Variants in MTAP observed in about 807,000 individuals in gnomAD.
The protein encoded by MTAP is S-methyl-5'-thioadenosine phosphorylase.
MTAP carries 33 observed loss-of-function variants against 33.6 expected under a neutral mutation model. That is an observed-to-expected ratio of 0.98 (90% CI 0.74 to 1.31). The LOEUF (loss-of-function observed/expected upper bound fraction) is 1.31, where lower values mean the gene tolerates loss of function less well. Ranked by LOEUF, MTAP falls within the 40% of genes most tolerant of loss-of-function variation. MTAP has a pLI of 0.00. For missense variants in MTAP, 367 were observed against 360.0 expected, an observed-to-expected ratio of 1.02 and a Z score of -0.16; for synonymous variants, 148 against 125.7, an observed-to-expected ratio of 1.18 and a Z score of -1.19.
At chr9:21,854,896 A>T in intron 6 of MTAP, 26 bp downstream of exon 6, 3 of 1,612,412 alleles carry the variant, frequency 1.9e-6, no homozygotes, top group African/African-American at 1.3e-5. Context: ...TTCTAAGCAC[A>T]TATAGCATGG....
At chr9:21,919,243 C>T (rs1442167271) in intron 1 of MTAP, among the ~76,000 whole-genome samples, 1 of 152,054 alleles carries the variant, frequency 6.6e-6, no homozygotes, top group Non-Finnish European at 1.5e-5. Flanking sequence ...TATGAATTAA[C>T]AAAAAATGAA....
intron 7 of MTAP, chr9:21,860,038 C>T (rs1825722156): frequency 6.6e-6 from 1 of 152,152 alleles, no homozygotes; most frequent in Non-Finnish European, 1.5e-5. Flanking sequence ...ATTGCATTCT[C>T]CTACTATCCA....
At chr9:21,896,797 A>G (rs1021294718) in intron 1 of MTAP, among the ~76,000 whole-genome samples, 2 of 152,218 alleles carry the variant, frequency 1.3e-5, no homozygotes, top group Admixed American at 6.5e-5. Context: ...GAATTCTACC[A>G]GAAGTACAAA....
intron 4 of MTAP, among the ~76,000 whole-genome samples, chr9:21,834,441 C>G (rs1825051731): frequency 6.6e-6 from 1 of 152,162 alleles, no homozygotes; most frequent in Non-Finnish European, 1.5e-5. Context: ...AGAAGCAGAC[C>G]TTATCTTTTA....
In MTAP at chr9:21,802,669, G is replaced by T. The variant is rs1340953046; in HGVS notation, c.-80G>T. ...TGCTCACTCCCGCGCAGTGAGGTTG[G>T]CACAGCCACCGCTCTGTGGCTCGCT... On this transcript the variant is annotated 5_prime_UTR_variant, in exon 1 of 8. Coordinates refer to ENST00000644715, the MANE Select transcript of MTAP (RefSeq NM_002451.4). The T allele has an allele frequency of 6.4e-7, 1 of 1,550,500 alleles. No homozygotes were observed. Among genetic ancestry groups the T allele is most frequent in the Non-Finnish European group, 8.9e-7 (1 of 1,129,692 alleles).
At chr9:21,930,288 G>T (rs1339342165) in intron 1 of MTAP, 1 of 231,360 alleles carries the variant, frequency 4.3e-6, no homozygotes, top group Non-Finnish European at 8.6e-6. Flanking sequence ...ATTTTTGGGG[G>T]CTGTCCTCAT....
chr9:21,900,551 T>G (rs755042541), intron 1 of MTAP, among the ~76,000 whole-genome samples: 1 of 152,190 alleles, frequency 6.6e-6, no homozygotes, highest in East Asian at 1.9e-4. Flanking sequence ...AATGGGACAC[T>G]AATACACTGC....
chr9:21,928,905 A>G (rs187431242), intron 1 of MTAP, among the ~76,000 whole-genome samples: 2 of 151,782 alleles, frequency 1.3e-5, no homozygotes, highest in South Asian at 2.1e-4. Flanking sequence ...GAAACTGCCA[A>G]AATCACCCAG....
chr9:21,816,323 A>G (rs1322878080), intron 2 of MTAP, among the ~76,000 whole-genome samples: 1 of 152,186 alleles, frequency 6.6e-6, no homozygotes, highest in Non-Finnish European at 1.5e-5. Context: ...AGACATTTCC[A>G]GTGCTGAATT....
chr9:21,868,071 A>G (rs1266685218), downstream of MTAP, among the ~76,000 whole-genome samples: 1 of 152,196 alleles, frequency 6.6e-6, no homozygotes, highest in Non-Finnish European at 1.5e-5. Context: ...ATTTCCAGAA[A>G]GGTTCTGGAA....
intron 1 of MTAP, among the ~76,000 whole-genome samples, chr9:21,895,614 T>C (rs1273939454): frequency 6.6e-6 from 1 of 152,172 alleles, no homozygotes; most frequent in African/African-American, 2.4e-5. Flanking sequence ...CCCACCCTAA[T>C]ACTGTGCTTT....
chr9:21,929,674 A>C, intron 1 of MTAP: 1 of 247,990 alleles, frequency 4.0e-6, no homozygotes, highest in Non-Finnish European at 8.5e-6. Context: ...AGAGTTACGT[A>C]TTTCCTCTCA....
chr9:21,816,928 A>C lies in MTAP; in HGVS notation c.179+156A>C, dbSNP rs1213705666. ...TATTTACAATGTTTTATTTTTGGTTAAGTTATATTGACTTAGGAGATCAAA... is the reference window on the plus strand; with the variant it reads ...TATTTACAATGTTTTATTTTTGGTTCAGTTATATTGACTTAGGAGATCAAA... On this transcript the variant is annotated intron_variant, in intron 3 of 7. Coordinates refer to ENST00000644715, the MANE Select transcript of MTAP (RefSeq NM_002451.4). Among the ~76,000 whole-genome samples, 14 of 152,198 alleles carry C rather than the reference A, an allele frequency of 9.2e-5. 1 individual carries two copies. The highest frequency in any genetic ancestry group is 9.2e-4 in the Admixed American group (14 of 15,278).
chr9:21,904,118 T>C (rs112461268), intron 1 of MTAP, among the ~76,000 whole-genome samples: 36 of 152,284 alleles, frequency 2.4e-4, no homozygotes, highest in African/African-American at 8.4e-4. Context: ...CCGACTGCCC[T>C]GGCCAAACTC....
chr9:21,902,601 C>A (rs1295235633), intron 1 of MTAP, among the ~76,000 whole-genome samples: 1 of 152,328 alleles, frequency 6.6e-6, no homozygotes, highest in East Asian at 1.9e-4. Flanking sequence ...CAAATTGTTA[C>A]TTGTTCCCTT....
At chr9:21,903,870 C>G (rs1224718359) in intron 1 of MTAP, among the ~76,000 whole-genome samples, 1 of 152,154 alleles carries the variant, frequency 6.6e-6, no homozygotes, top group African/African-American at 2.4e-5. Context: ...TTTAGTTTAG[C>G]TGTCTGTAGG....
intron 4 of MTAP, among the ~76,000 whole-genome samples, chr9:21,824,575 C>G (rs946894926): frequency 2.0e-5 from 3 of 152,222 alleles, no homozygotes; most frequent in African/African-American, 7.2e-5. Context: ...GGCAGTCTGT[C>G]CATTCTCAGA....
intron 1 of MTAP, among the ~76,000 whole-genome samples, chr9:21,902,360 C>A (rs189153453): frequency 1.9e-4 from 29 of 152,246 alleles, no homozygotes; most frequent in Admixed American, 8.5e-4. Flanking sequence ...CTATGCCCTA[C>A]CTGCAAAAGA....
rs1219673329 is a variant in MTAP, at chr9:21,838,005, A to C, written c.445A>C (p.Arg149=). The part of the protein sequence containing the change: ...PMAEPFCPKT[R]EVLIETAKKL... Reference sequence around the variant, plus strand: ...GGCTGAGCCGTTTTGCCCCAAAACGAGAGAGGTGTGTAGTCTTTCTGGAAG... The same window carrying C: ...GGCTGAGCCGTTTTGCCCCAAAACGCGAGAGGTGTGTAGTCTTTCTGGAAG... Residue 149 remains arginine (R), a synonymous_variant, in exon 5 of 8, where the codon AGA becomes CGA. Transcript: ENST00000644715. 6.2e-6 allele frequency: 10 copies of C among 1,613,122 alleles called. No homozygotes were observed. The highest frequency in any genetic ancestry group is 1.3e-5 in the African/African-American group (1 of 74,882).
Sources: allele counts gnomAD v4.1 joint callset (sites outside exome capture counted in the v4.1 genomes callset), GRCh38; gene constraint gnomAD v4.1.1; transcripts MANE v1.5; gene names NCBI Gene and HGNC (gene_info 2026-07-23, HGNC 2026-07-21).